Variants in NXPH1 observed in about 807,000 individuals in gnomAD.
NXPH1 encodes the protein neurexophilin 1.
Under a neutral mutation model 23.7 loss-of-function variants are expected in NXPH1, and 5 were observed. The ratio of observed to expected loss-of-function variants is 0.21; its 90% CI spans 0.11 to 0.44. NXPH1 has a LOEUF of 0.44. Among genes scored for constraint, NXPH1 ranks in the 20% least tolerant of loss-of-function variants. NXPH1 has a pLI of 0.99. For missense variants in NXPH1, 324 were observed against 321.6 expected, an observed-to-expected ratio of 1.01 and a Z score of -0.06; for synonymous variants, 144 against 122.2, an observed-to-expected ratio of 1.18 and a Z score of -1.18.
chr7:8,492,919 A>G lies in NXPH1; in HGVS notation c.54+57152A>G, dbSNP rs183150234. Among the ~76,000 whole-genome samples the G allele has an allele frequency of 2.6e-5, 4 of 152,140 alleles. No individual in the cohort carries two copies. The East Asian group carries it at 7.7e-4, about 29-fold the overall frequency. On this transcript the variant is annotated intron_variant, in intron 2 of 2. Coordinates refer to ENST00000405863, the MANE Select transcript of NXPH1 (RefSeq NM_152745.3). ...GTAGCCAGAGTGTTCTAAGTGAAAG[A>G]GACAGAAAGAAAAAGAAGGAAAGGC...
intron 2 of NXPH1, among the ~76,000 whole-genome samples, chr7:8,456,400 A>C (rs77395783): frequency 0.026 from 3,992 of 152,312 alleles, 82 homozygotes; most frequent in South Asian, 0.042. Flanking sequence ...GCAATTTTAC[A>C]ATATAATCTG....
intron 2 of NXPH1, among the ~76,000 whole-genome samples, chr7:8,697,560 A>C (rs1322668433): frequency 6.6e-6 from 1 of 152,178 alleles, no homozygotes; most frequent in Non-Finnish European, 1.5e-5. Flanking sequence ...TTTAACCTGA[A>C]CAACTTGGTG....
chr7:8,749,734 T>A (rs1160034360), intron 2 of NXPH1, among the ~76,000 whole-genome samples: 1 of 152,164 alleles, frequency 6.6e-6, no homozygotes, highest in Non-Finnish European at 1.5e-5. Flanking sequence ...GGCTTTTTAA[T>A]GGGTAGCTGG....
At chr7:8,749,357 G>C (rs763018724) in intron 2 of NXPH1, among the ~76,000 whole-genome samples, 6 of 152,200 alleles carry the variant, frequency 3.9e-5, no homozygotes, top group Non-Finnish European at 8.8e-5. Flanking sequence ...CAGCTTGGCA[G>C]TGTCAGAGCT....
At position 8,752,019 on chromosome 7, in the gene NXPH1, A is replaced by G; in HGVS notation, c.*250A>G. 3 of 445,118 alleles carry G rather than the reference A, an allele frequency of 6.7e-6. No individual in the cohort carries two copies. The highest frequency in any genetic ancestry group is 7.0e-5 in the East Asian group (2 of 28,382). The allele number at this position is 445,118 out of a possible 1,614,324, so 27.6% of individuals were successfully genotyped here. On this transcript the variant is annotated 3_prime_UTR_variant, in exon 3 of 3. Transcript: ENST00000405863. ...CCTGAAGACATGCTCTCACATATAG[A>G]GGTACACAAACACACCGTCATGCAC... is the stretch of plus-strand genomic sequence containing the variant.
chr7:8,717,468 T>TA (rs1344678983), intron 2 of NXPH1, among the ~76,000 whole-genome samples: 2 of 151,944 alleles, frequency 1.3e-5, no homozygotes, highest in Non-Finnish European at 2.9e-5. Flanking sequence ...ATGTGTGGAT[T>TA]AAAAAAAACC....
chr7:8,658,377 A>G (rs10952119), intron 2 of NXPH1, among the ~76,000 whole-genome samples: 96,445 of 152,006 alleles, frequency 0.63, 31,520 homozygotes, highest in Middle Eastern at 0.76. Flanking sequence ...GTATGTGGCA[A>G]TGTTTAGTAC....
At chr7:8,436,253 C>A (rs1331814321) in intron 2 of NXPH1, among the ~76,000 whole-genome samples, 1 of 152,200 alleles carries the variant, frequency 6.6e-6, no homozygotes, top group Non-Finnish European at 1.5e-5. Flanking sequence ...AGTTAACTTT[C>A]TTTGACTTGT....
rs145499897 is a variant in NXPH1, at chr7:8,660,686, A to T, written c.55-90322A>T. Among the ~76,000 whole-genome samples, 331 of 152,328 alleles carry T rather than the reference A, an allele frequency of 2.2e-3. 2 individuals carry two copies. The highest frequency in any genetic ancestry group is 7.5e-3 in the African/African-American group (312 of 41,590). On this transcript the variant is annotated intron_variant, in intron 2 of 2. Transcript: ENST00000405863. The stretch of plus-strand genomic sequence containing the variant: ...AACAACTGCAGGCTTCTTTGGCGCA[A>T]TAATAATTGTAAAATTTTAATGTAT...
chr7:8,747,767 G>A (rs1021513082), intron 2 of NXPH1, among the ~76,000 whole-genome samples: 24 of 150,568 alleles, frequency 1.6e-4, no homozygotes, highest in African/African-American at 4.6e-4. Context: ...TTTTATTCAC[G>A]CACACACACA....
At chr7:8,524,220 T>G (rs56082701) in intron 2 of NXPH1, among the ~76,000 whole-genome samples, 1 of 128,020 alleles carries the variant, frequency 7.8e-6, no homozygotes. Context: ...CCAGTCTGGG[T>G]GACAGAGTGA....
Position 8,434,670 on chromosome 7 carries a change from G to A in NXPH1, c.-196G>A. On this transcript the variant is annotated 5_prime_UTR_variant, in exon 1 of 3. Transcript: ENST00000405863. The surrounding 1 kb of genome is among the most constrained non-coding windows in gnomAD (Gnocchi z 7.6). ...GCGCCTGGGAGGGCACGTCCGGGGCGCTGGAGACGCCAGGCCCGAGTAGCT... is the reference window on the plus strand; with the variant it reads ...GCGCCTGGGAGGGCACGTCCGGGGCACTGGAGACGCCAGGCCCGAGTAGCT... 6.5e-6 allele frequency: 1 copy of A among 152,878 alleles called. No homozygotes were observed. The highest frequency in any genetic ancestry group is 1.5e-5 in the Non-Finnish European group (1 of 68,132). 9.5% of individuals were successfully genotyped at this position (152,878 alleles called of 1,614,324 possible). A position where few individuals can be genotyped will look rare whatever the true frequency, so the allele number is the denominator to read the frequency against.
intron 2 of NXPH1, among the ~76,000 whole-genome samples, chr7:8,635,345 A>G (rs1172216180): frequency 6.6e-6 from 1 of 152,214 alleles, no homozygotes; most frequent in African/African-American, 2.4e-5. Context: ...TTGGTTAGAC[A>G]GCTATTGAAC....
chr7:8,628,412 C>A, intron 2 of NXPH1, among the ~76,000 whole-genome samples: 1 of 146,422 alleles, frequency 6.8e-6, no homozygotes. Context: ...GAAGAGTCAT[C>A]ACAAACAAAA....
chr7:8,508,852 A>C lies in NXPH1; in HGVS notation c.54+73085A>C, dbSNP rs529666485. 3.9e-5 allele frequency among the ~76,000 whole-genome samples: 6 copies of C among 152,208 alleles called. No individual in the cohort carries two copies. The East Asian group carries it at 1.2e-3, about 30-fold the overall frequency. ...AAGTTAGGGTCTTGTAAAAGGAAAG[A>C]TATCAGTCTGAGACTATTAATTTTA... On this transcript the variant is annotated intron_variant, in intron 2 of 2. Transcript: ENST00000405863.
intron 2 of NXPH1, among the ~76,000 whole-genome samples, chr7:8,712,897 GTCT>G (rs1333928957): frequency 1.3e-5 from 2 of 152,088 alleles, no homozygotes; most frequent in Non-Finnish European, 2.9e-5. Context: ...CATTGAGGTA[GTCT>G]TCTTTGGGTT....
intron 2 of NXPH1, among the ~76,000 whole-genome samples, chr7:8,600,615 G>T (rs1042012611): frequency 6.6e-6 from 1 of 152,236 alleles, no homozygotes; most frequent in South Asian, 2.1e-4. Flanking sequence ...GAGCAGAAAT[G>T]TGGATTAAGT....
chr7:8,435,276 G>A lies in NXPH1; in HGVS notation c.-110-328G>A, dbSNP rs1339099664. ...CGAGCCGCCGGGCCACCCAACACAA[G>A]GGCAGGTCTCGCTGCCGGAGAAGCC... On this transcript the variant is annotated intron_variant, in intron 1 of 2. Coordinates refer to ENST00000405863, the MANE Select transcript of NXPH1 (RefSeq NM_152745.3). This position sits in a 1 kb window ranked among gnomAD's most constrained non-coding sequence, Gnocchi z 5.9. The A allele has an allele frequency of 8.0e-6, 2 of 251,302 alleles. No homozygotes were observed. Among genetic ancestry groups the A allele is most frequent in the Non-Finnish European group, 1.5e-5 (2 of 129,382 alleles). The allele number at this position is 251,302 out of a possible 1,614,324, so 15.6% of individuals were successfully genotyped here.
At chr7:8,728,364 T>C (rs1780092229) in intron 2 of NXPH1, among the ~76,000 whole-genome samples, 1 of 152,070 alleles carries the variant, frequency 6.6e-6, no homozygotes, top group South Asian at 2.1e-4. Flanking sequence ...GGCCAGAACT[T>C]CCAACACTAT....
Sources: gnomAD v4.1 joint callset for allele counts (sites outside exome capture counted in the v4.1 genomes callset) on GRCh38, gnomAD v4.1.1 for gene constraint, Gnocchi (gnomAD v3.1) non-coding constraint, MANE v1.5 for transcripts, NCBI Gene and HGNC (gene_info 2026-07-23, HGNC 2026-07-21) for gene names.